The following ACCSL variants were observed in gnomAD, a reference collection of about 807,000 sequenced individuals.
ACCSL encodes probable inactive 1-aminocyclopropane-1-carboxylate synthase-like protein 2.
A neutral mutation model predicts 61.7 loss-of-function variants in ACCSL; 55 were observed. The ratio of observed to expected loss-of-function variants is 0.89; its 90% CI spans 0.72 to 1.12. ACCSL has a LOEUF of 1.12. Ranked by LOEUF, ACCSL falls within the 50% of genes most tolerant of loss-of-function variation. The pLI is 0.00. For missense variants in ACCSL, 632 were observed against 698.0 expected (o/e 0.91, Z 1.07); for synonymous variants, 258 against 264.3 (o/e 0.98, Z 0.23).
chr11:43,996,523 C>G, the ACCSL span, among the ~76,000 whole-genome samples: 1 of 152,116 alleles, frequency 6.6e-6, no homozygotes, highest in Non-Finnish European at 1.5e-5. Flanking sequence ...CAAGGATGAA[C>G]CCTAGGACAA....
chr11:44,028,348 C>T, the ACCSL span, among the ~76,000 whole-genome samples: 1 of 151,990 alleles, frequency 6.6e-6, no homozygotes, highest in Non-Finnish European at 1.5e-5. Context: ...GTTATTTGTA[C>T]CAGCACTGTC....
the ACCSL span, among the ~76,000 whole-genome samples, chr11:43,995,731 G>A: frequency 5.3e-5 from 8 of 152,258 alleles, no homozygotes; most frequent in East Asian, 1.9e-4. Flanking sequence ...GGAGGCCAGC[G>A]AGTGCAGAGC....
the ACCSL span, among the ~76,000 whole-genome samples, chr11:43,967,380 T>C: frequency 6.6e-6 from 1 of 151,780 alleles, no homozygotes; most frequent in Non-Finnish European, 1.5e-5. Flanking sequence ...GGTTTCACCA[T>C]GTTGGCAGGT....
the ACCSL span, among the ~76,000 whole-genome samples, chr11:43,986,176 A>G: frequency 4.0e-5 from 6 of 151,744 alleles, no homozygotes; most frequent in African/African-American, 1.2e-4. Context: ...TCCACCACCT[A>G]AAAGCTCTCT....
At position 44,048,455 on chromosome 11, in the gene ACCSL, T is replaced by C; in HGVS notation, c.419T>C (p.Ile140Thr). 3 of 1,613,448 alleles carry C rather than the reference T, an allele frequency of 1.9e-6. No homozygotes were observed. Among genetic ancestry groups the C allele is most frequent in the Non-Finnish European group, 1.7e-6 (2 of 1,179,972 alleles). ...FVNRDLSIRG[I>T]DISVFYQSSF... ...AACCGCGACCTATCCATCCGTGGGA[T>C]TGACATCTCTGTCTTTTATCAGTCG... The change falls in exon 1 of 14, where the codon ATT becomes ACT. Residue 140 changes from isoleucine to threonine, a missense_variant. Physicochemically the swap from Ile to Thr is moderately conservative, Grantham distance 89. Transcript: ENST00000378832.
chr11:44,055,084 C>A, intron 8 of ACCSL, 118 bp from the exon 9 acceptor site: 1 of 699,478 alleles, frequency 1.4e-6, no homozygotes, highest in Non-Finnish European at 2.4e-6. Context: ...TGATCTGTGT[C>A]CAGAGAACAC....
chr11:44,039,552 G>A, the ACCSL span, among the ~76,000 whole-genome samples: 1 of 152,148 alleles, frequency 6.6e-6, no homozygotes, highest in Admixed American at 6.5e-5. Context: ...ATTGAGTTCA[G>A]TGTATACTGC....
intron 3 of ACCSL, 113 bp from the exon 4 acceptor site, chr11:44,051,222 T>G: frequency 9.9e-7 from 1 of 1,011,976 alleles, no homozygotes; most frequent in African/African-American, 1.6e-5. Flanking sequence ...AGCCCTGTAA[T>G]ATGAGGTTGG....
the ACCSL span, among the ~76,000 whole-genome samples, chr11:43,987,252 G>A: frequency 6.6e-6 from 1 of 152,204 alleles, no homozygotes; most frequent in East Asian, 1.9e-4. Context: ...AGAAGACCTG[G>A]GTCCAGGTGG....
the ACCSL span, among the ~76,000 whole-genome samples, chr11:44,042,659 G>GT: frequency 1.5e-5 from 2 of 132,754 alleles, no homozygotes; most frequent in East Asian, 2.5e-4. Flanking sequence ...TGTTTTTTTT[G>GT]TTTTTTTAGC....
chr11:44,056,165 T>A lies in ACCSL; in HGVS notation c.1186-20T>A. ...AGGCAGACAAAACACTTGTTCCTGTTCCTGCTTTTCTTCCTCTAGGATTTT... is the reference window on the plus strand; with the variant it reads ...AGGCAGACAAAACACTTGTTCCTGTACCTGCTTTTCTTCCTCTAGGATTTT... On this transcript the variant is annotated intron_variant, in intron 10 of 13. Coordinates refer to ENST00000378832, the MANE Select transcript of ACCSL (RefSeq NM_001031854.2). 6.2e-7 allele frequency: 1 copy of A among 1,614,182 alleles called. No homozygotes were observed. Among genetic ancestry groups the A allele is most frequent in the Non-Finnish European group, 8.5e-7 (1 of 1,180,030 alleles).
the ACCSL span, among the ~76,000 whole-genome samples, chr11:43,939,671 G>A: frequency 1.2e-4 from 19 of 152,248 alleles, no homozygotes; most frequent in Middle Eastern, 3.4e-3. Flanking sequence ...AGGCAGTGTC[G>A]AAATCTTGGT....
At chr11:44,007,104 C>A in the ACCSL span, among the ~76,000 whole-genome samples, 1 of 152,090 alleles carries the variant, frequency 6.6e-6, no homozygotes, top group Admixed American at 6.5e-5. Flanking sequence ...GACAATTTTG[C>A]CCATACAAGG....
At chr11:43,997,286 G>A in the ACCSL span, among the ~76,000 whole-genome samples, 5 of 152,128 alleles carry the variant, frequency 3.3e-5, no homozygotes, top group Non-Finnish European at 7.3e-5. Flanking sequence ...AGATGCTCTG[G>A]CTGGACTGTT....
chr11:43,949,828 AAACAACAACAAC>A, the ACCSL span, among the ~76,000 whole-genome samples: 13 of 150,666 alleles, frequency 8.6e-5, no homozygotes, highest in Non-Finnish European at 1.3e-4. Flanking sequence ...AAAAACAAAC[AAACAACAACAAC>A]AACAACAACA....
At chr11:44,004,259 C>A in the ACCSL span, among the ~76,000 whole-genome samples, 2 of 151,958 alleles carry the variant, frequency 1.3e-5, no homozygotes, top group Non-Finnish European at 2.9e-5. Context: ...GAGCCCAGAT[C>A]AGAAGGGCAG....
chr11:43,985,806 G>C, the ACCSL span, among the ~76,000 whole-genome samples: 1 of 152,134 alleles, frequency 6.6e-6, no homozygotes, highest in Non-Finnish European at 1.5e-5. Flanking sequence ...TGTACTTTGG[G>C]CCGGCGGATC....
chr11:43,927,163 A>G, the ACCSL span, among the ~76,000 whole-genome samples: 1 of 152,220 alleles, frequency 6.6e-6, no homozygotes. Context: ...ACTTAGGTAC[A>G]TTGGTGCCTG....
chr11:44,003,305 T>G, the ACCSL span, among the ~76,000 whole-genome samples: 1 of 152,206 alleles, frequency 6.6e-6, no homozygotes, highest in East Asian at 1.9e-4. Flanking sequence ...CAAATGCACA[T>G]AACATAAAGT....
Sources: gnomAD v4.1 joint callset for allele counts (sites outside exome capture counted in the v4.1 genomes callset) on GRCh38, gnomAD v4.1.1 for gene constraint, MANE v1.5 for transcripts, NCBI Gene and HGNC (gene_info 2026-07-23, HGNC 2026-07-21) for gene names.